Variants in HRNR observed in about 807,000 individuals in gnomAD.
The protein encoded by HRNR is filaggrin family member 3.
Under a neutral mutation model 4.8 loss-of-function variants are expected in HRNR, and 7 were observed. That is an observed-to-expected ratio of 1.47 (90% CI 0.83 to 2.75). HRNR has a LOEUF of 2.75. HRNR is among the 30% of genes most tolerant of loss of function. HRNR has a pLI of 0.00. For synonymous variants in HRNR, 1,023 were observed against 1,242.7 expected, an observed-to-expected ratio of 0.82 and a Z score of 3.72; for missense variants, 2,879 against 3,010.4, an observed-to-expected ratio of 0.96 and a Z score of 1.02.
chr1:152,219,024 G>C lies in HRNR; in HGVS notation c.2605C>G (p.Gln869Glu). The C allele has an allele frequency of 6.2e-7, 1 of 1,614,066 alleles. No individual in the cohort carries two copies. The highest frequency in any genetic ancestry group is 8.5e-7 in the Non-Finnish European group (1 of 1,179,996). ...SSSGQSSSYG[Q>E]HESASHHASG... ...GCGTGATGGGAGGCAGACTCATGCT[G>C]ACCATAGCTGGAAGATTGACCTGAG... is the stretch of plus-strand genomic sequence containing the variant. The change falls in exon 3 of 3, where the codon CAG becomes GAG. Residue 869 changes from glutamine (Q) to glutamate (E), a missense_variant. This residue lies in a region of HRNR where 2,646 missense variants were observed against 1,377.7 expected (regional missense o/e 1.92). Transcript: ENST00000368801.
rs943152140 is a variant in HRNR, at chr1:152,212,964, T to G, written c.*112A>C. The G allele has an allele frequency of 1.8e-5, 26 of 1,410,146 alleles. No homozygotes were observed. Among genetic ancestry groups the G allele is most frequent in the Non-Finnish European group, 2.3e-5 (24 of 1,048,584 alleles). The allele number at this position is 1,410,146 out of a possible 1,614,324, so 87.4% of individuals were successfully genotyped here. ...AAGAAAGAGACAGAAATGCATTGAT[T>G]CACTTTTAGAACGAATTTCATGATG... On this transcript the variant is annotated 3_prime_UTR_variant, in exon 3 of 3. Transcript: ENST00000368801.
In HRNR at chr1:152,213,167, C is replaced by G. The variant is rs781127949; in HGVS notation, c.8462G>C (p.Gly2821Ala). The change falls in exon 3 of 3, where the codon GGG becomes GCG. Residue 2821 changes from glycine (G) to alanine (A), a missense_variant. Physicochemically the swap from Gly to Ala is moderately conservative, Grantham distance 60 (BLOSUM62 0). Around this residue, in one of 8 missense-constraint regions of HRNR, gnomAD observed 158 missense variants for 107.6 expected, o/e 1.47. Coordinates refer to ENST00000368801, the MANE Select transcript of HRNR (RefSeq NM_001009931.3). Reference protein sequence around the residue: ...SYCKGGSNHDGGSSGSYFLSF... With the variant: ...SYCKGGSNHDAGSSGSYFLSF... Reference sequence around the variant, plus strand: ...GAGAAAATATGAGCCAGAACTTCCCCCATCATGGTTACTTCCTCCTTTGCA... The same window carrying G: ...GAGAAAATATGAGCCAGAACTTCCCGCATCATGGTTACTTCCTCCTTTGCA... 3 of 1,614,032 alleles carry G rather than the reference C, an allele frequency of 1.9e-6. No homozygotes were observed. Among genetic ancestry groups the G allele is most frequent in the Non-Finnish European group, 1.7e-6 (2 of 1,180,036 alleles).
rs759038902 is a variant in HRNR, at chr1:152,218,915, C to A, written c.2714G>T (p.Ser905Ile). The change falls in exon 3 of 3, where the codon AGC (serine) becomes ATC (isoleucine). Residue 905 changes from serine (S) to isoleucine (I), a missense_variant. Around this residue, in one of 8 missense-constraint regions of HRNR, gnomAD observed 2,646 missense variants for 1,377.7 expected, o/e 1.92. Coordinates refer to ENST00000368801, the MANE Select transcript of HRNR (RefSeq NM_001009931.3). ...QRGSGSGQSP[S>I]YGRHGSGSGR... ...GGAGCCAGACCCATGTCGGCCATAG[C>A]TGGGAGACTGCCCTGACCCAGACCC... is the stretch of plus-strand genomic sequence containing the variant. 1 of 1,613,756 alleles carries A rather than the reference C, an allele frequency of 6.2e-7. No homozygotes were observed. Among genetic ancestry groups the A allele is most frequent in the Non-Finnish European group, 8.5e-7 (1 of 1,179,950 alleles).
In HRNR at chr1:152,220,603, T is replaced by G. The variant is rs748150973; in HGVS notation, c.1026A>C (p.Ser342=). Residue 342 remains serine (S), a synonymous_variant, in exon 3 of 3, where the codon TCA becomes TCC. Coordinates refer to ENST00000368801, the MANE Select transcript of HRNR (RefSeq NM_001009931.3). The part of the protein sequence containing the change: ...SYSRGHYESG[S]GQTSGFGQHE... ...GTTGCCCAAAGCCAGAAGTCTGGCC[T>G]GAGCCAGACTCATAATGGCCACGGC... The G allele has an allele frequency of 5.0e-6, 8 of 1,611,982 alleles. No individual in the cohort carries two copies. Among genetic ancestry groups the G allele is most frequent in the Non-Finnish European group, 6.8e-6 (8 of 1,178,662 alleles).
Position 152,218,443 on chromosome 1 carries a change from G to T in HRNR, c.3186C>A (p.Gly1062=). Residue 1062 remains glycine (G), a synonymous_variant, in exon 3 of 3, where the codon GGC becomes GGA. Coordinates refer to ENST00000368801, the MANE Select transcript of HRNR (RefSeq NM_001009931.3). Reference sequence around the variant, plus strand: ...CTGAGCTAGATCCATGTTGACCGTAGCCAGAGGACTGTCCTGAGCGAGACT... The same window carrying T: ...CTGAGCTAGATCCATGTTGACCGTATCCAGAGGACTGTCCTGAGCGAGACT... ...HRESRSGQSS[G]YGQHGSSSGH... The T allele has an allele frequency of 5.0e-6, 8 of 1,613,520 alleles. 1 individual carries two copies. The highest frequency in any genetic ancestry group is 6.8e-6 in the Non-Finnish European group (8 of 1,179,966).
Position 152,212,714 on chromosome 1 carries a change from A to T in HRNR, c.*362T>A, listed in dbSNP as rs1648429384. The stretch of plus-strand genomic sequence containing the variant: ...CATTTGTAATATTTTGCTTCTAAGA[A>T]ATGTAAGGTTAGCTTTGGCACCATC... On this transcript the variant is annotated 3_prime_UTR_variant, in exon 3 of 3. Coordinates refer to ENST00000368801, the MANE Select transcript of HRNR (RefSeq NM_001009931.3). 2 of 267,004 alleles carry T rather than the reference A, an allele frequency of 7.5e-6. No homozygotes were observed. The highest frequency in any genetic ancestry group is 4.5e-5 in the African/African-American group (2 of 44,074). 16.5% of individuals were successfully genotyped at this position (267,004 alleles called of 1,614,324 possible). A position where few individuals can be genotyped will look rare whatever the true frequency, so the allele number is the denominator to read the frequency against.
chr1:152,219,958 G>A lies in HRNR; in HGVS notation c.1671C>T (p.Ser557=), dbSNP rs374556256. 3.8e-5 allele frequency: 62 copies of A among 1,613,742 alleles called. No homozygotes were observed. Among genetic ancestry groups the A allele is most frequent in the Non-Finnish European group, 5.3e-5 (62 of 1,179,930 alleles). ...RHESGSRQSS[S]YGPHGYGSGR... The stretch of plus-strand genomic sequence containing the variant: ...CTGAGCCATACCCATGTGGGCCATA[G>A]CTGGAAGACTGCCTGGAACCAGACT... Residue 557 remains serine, a synonymous_variant, in exon 3 of 3, where the codon AGC becomes AGT. Transcript: ENST00000368801.
chr1:152,218,969 G>C lies in HRNR; in HGVS notation c.2660C>G (p.Ser887Cys). ...CTGGCCGTGGCCTGGAGACTGGCCA[G>C]ATCCAGAGCCATGTCGGCCGCGGCC... ...ASGRGRHGSG[S>C]GQSPGHGQRG... The change falls in exon 3 of 3, where the codon TCT becomes TGT. Residue 887 changes from serine to cysteine, a missense_variant. Physicochemically the swap from Ser to Cys is moderately radical, Grantham distance 112. This residue lies in a region of HRNR where 2,646 missense variants were observed against 1,377.7 expected (regional missense o/e 1.92). Coordinates refer to ENST00000368801, the MANE Select transcript of HRNR (RefSeq NM_001009931.3). 1 of 1,608,738 alleles carries C rather than the reference G, an allele frequency of 6.2e-7. No homozygotes were observed. The highest frequency in any genetic ancestry group is 8.5e-7 in the Non-Finnish European group (1 of 1,179,894).
chr1:152,219,197 G>A lies in HRNR; in HGVS notation c.2432C>T (p.Ser811Leu), dbSNP rs527591748. The change falls in exon 3 of 3, where the codon TCA (serine) becomes TTA (leucine). Residue 811 changes from serine (S) to leucine (L), a missense_variant. Ser to Leu is a moderately radical substitution (Grantham distance 145). This residue lies in a region of HRNR where 2,646 missense variants were observed against 1,377.7 expected (regional missense o/e 1.92). Transcript: ENST00000368801. ...TTGCCCAAAACCAGAAGCCTGGCCT[G>A]AGCCAGACTCATAATGGCCACAGCT... The part of the protein sequence containing the change: ...SSSCGHYESG[S>L]GQASGFGQHE... The A allele has an allele frequency of 2.1e-5, 34 of 1,613,900 alleles. No homozygotes were observed. The highest frequency in any genetic ancestry group is 1.7e-4 in the African/African-American group (13 of 75,004).
At position 152,220,158 on chromosome 1, in the gene HRNR, G is replaced by C. The variant is rs771448185; in HGVS notation, c.1471C>G (p.His491Asp). The C allele has an allele frequency of 7.1e-5, 114 of 1,612,620 alleles. No individual in the cohort carries two copies. The highest frequency in any genetic ancestry group is 9.3e-5 in the Non-Finnish European group (110 of 1,179,258). Residue 491 changes from histidine to aspartate, a missense_variant, in exon 3 of 3, where the codon CAC becomes GAC. Physicochemically the swap from His to Asp is moderately conservative, Grantham distance 81. Coordinates refer to ENST00000368801, the MANE Select transcript of HRNR (RefSeq NM_001009931.3). ...CCTGACCTAGAGCCGTGTTGTCCGT[G>C]GCCGGAGGAGTGACCTGAGCCAGAT... is the stretch of plus-strand genomic sequence containing the variant. ...HGSGSGHSSG[H>D]GQHGSRSGQS...
Position 152,220,667 on chromosome 1 carries a change from C to A in HRNR, c.962G>T (p.Ser321Ile), listed in dbSNP as rs1274610798. 1 of 1,611,958 alleles carries A rather than the reference C, an allele frequency of 6.2e-7. No homozygotes were observed. The highest frequency in any genetic ancestry group is 8.5e-7 in the Non-Finnish European group (1 of 1,178,602). The change falls in exon 3 of 3, where the codon AGC becomes ATC. Residue 321 changes from serine (S) to isoleucine (I), a missense_variant. Physicochemically the swap from Ser to Ile is moderately radical, Grantham distance 142. This residue lies in a region of HRNR where 2,646 missense variants were observed against 1,377.7 expected (regional missense o/e 1.92). Coordinates refer to ENST00000368801, the MANE Select transcript of HRNR (RefSeq NM_001009931.3). ...RHGSGSGHSS[S>I]HGQHGSGSSY... ...TGAGCCAGACCCGTGTTGGCCGTGG[C>A]TGGAGGAGTGCCCCGAACCGGACCC...
At position 152,220,540 on chromosome 1, in the gene HRNR, C is replaced by T. The variant is rs752841706; in HGVS notation, c.1089G>A (p.Lys363=). The T allele has an allele frequency of 1.2e-6, 2 of 1,611,640 alleles. No individual in the cohort carries two copies. Among genetic ancestry groups the T allele is most frequent in the Non-Finnish European group, 1.7e-6 (2 of 1,178,388 alleles). Residue 363 remains lysine, a synonymous_variant, in exon 3 of 3, where the codon AAG becomes AAA. Transcript: ENST00000368801. ...AGGAGTGACCTGAGCCAGAACCATG[C>T]TTACTATAGCCAGAGGACTGTCCTG... ...SGSGQSSGYS[K]HGSGSGHSSS...
chr1:152,221,033 G>C lies in HRNR; in HGVS notation c.596C>G (p.Ser199Ter). 2 of 1,613,552 alleles carry C rather than the reference G, an allele frequency of 1.2e-6. No individual in the cohort carries two copies. The highest frequency in any genetic ancestry group is 8.5e-7 in the Non-Finnish European group (1 of 1,179,596). ...SSGRGQCGSG[S>*]GQSPNYGQHG... Reference sequence around the variant, plus strand: ...TTGGCCATAGTTGGGAGACTGCCCTGACCCAGACCCACATTGGCCGCGGCC... The same window carrying C: ...TTGGCCATAGTTGGGAGACTGCCCTCACCCAGACCCACATTGGCCGCGGCC... The change falls in exon 3 of 3, where the codon TCA becomes TGA. Residue 199 changes from serine (S) to a stop codon, truncating the protein, a stop_gained. Transcript: ENST00000368801. LOFTEE classifies it low-confidence loss of function (END_TRUNC).
rs1391040136 is a variant in HRNR at position 152,218,970 on chromosome 1, A to G, written c.2659T>C (p.Ser887Pro). The change falls in exon 3 of 3, where the codon TCT (serine) becomes CCT (proline). Residue 887 changes from serine to proline, a missense_variant. By Grantham distance (74) the Ser-to-Pro change is moderately conservative. Transcript: ENST00000368801. ...TGGCCGTGGCCTGGAGACTGGCCAG[A>G]TCCAGAGCCATGTCGGCCGCGGCCC... Reference protein sequence around the residue: ...ASGRGRHGSGSGQSPGHGQRG... With the variant: ...ASGRGRHGSGPGQSPGHGQRG... 1 of 1,608,622 alleles carries G rather than the reference A, an allele frequency of 6.2e-7. No individual in the cohort carries two copies. The highest frequency in any genetic ancestry group is 8.5e-7 in the Non-Finnish European group (1 of 1,179,868).
Position 152,220,470 on chromosome 1 carries a change from A to T in HRNR, c.1159T>A (p.Ser387Thr). 6.2e-7 allele frequency: 1 copy of T among 1,610,526 alleles called. No individual in the cohort carries two copies. The highest frequency in any genetic ancestry group is 8.5e-7 in the Non-Finnish European group (1 of 1,178,564). The change falls in exon 3 of 3, where the codon TCT becomes ACT. Residue 387 changes from serine (S) to threonine (T), a missense_variant. Physicochemically the swap from Ser to Thr is moderately conservative, Grantham distance 58. Around this residue, in one of 8 missense-constraint regions of HRNR, gnomAD observed 2,646 missense variants for 1,377.7 expected, o/e 1.92. Transcript: ENST00000368801. Reference protein sequence around the residue: ...HGSTSGQASSSGQHGSSSRQS... With the variant: ...HGSTSGQASSTGQHGSSSRQS... ...CGTGAGCTGGAGCCATGTTGGCCAG[A>T]GCTTGATGCCTGCCCTGACGTAGAT... is the stretch of plus-strand genomic sequence containing the variant.
In HRNR at chr1:152,218,902, A is replaced by C. The variant is rs779103224; in HGVS notation, c.2727T>G (p.His909Gln). The change falls in exon 3 of 3, where the codon CAT becomes CAG. Residue 909 changes from histidine to glutamine, a missense_variant. Physicochemically the swap from His to Gln is conservative, Grantham distance 24. Transcript: ENST00000368801. ...TGGAAGACCGACCGGAGCCAGACCCATGTCGGCCATAGCTGGGAGACTGCC... is the reference window on the plus strand; with the variant it reads ...TGGAAGACCGACCGGAGCCAGACCCCTGTCGGCCATAGCTGGGAGACTGCC... ...GSGQSPSYGR[H>Q]GSGSGRSSSS... 1.9e-6 allele frequency: 3 copies of C among 1,612,896 alleles called. No homozygotes were observed. The highest frequency in any genetic ancestry group is 1.3e-5 in the African/African-American group (1 of 74,474).
chr1:152,219,770 G>T lies in HRNR; in HGVS notation c.1859C>A (p.Ser620Ter). The part of the protein sequence containing the change: ...HGQHGSTSGQ[S>*]SSCGQHGATS... ...AGCTCCATGTTGGCCACAGCTCGAT[G>T]ACTGTCCTGATGTAGAACCATGTTG... Residue 620 changes from serine (S) to a stop codon, truncating the protein, a stop_gained, in exon 3 of 3, where the codon TCA becomes TAA. Coordinates refer to ENST00000368801, the MANE Select transcript of HRNR (RefSeq NM_001009931.3). LOFTEE classifies it low-confidence loss of function (END_TRUNC). The T allele has an allele frequency of 6.2e-7, 1 of 1,613,588 alleles. No individual in the cohort carries two copies. The highest frequency in any genetic ancestry group is 8.5e-7 in the Non-Finnish European group (1 of 1,179,652).
Position 152,220,285 on chromosome 1 carries a change from T to G in HRNR, c.1344A>C (p.Arg448=). Residue 448 remains arginine, a synonymous_variant, in exon 3 of 3, where the codon CGA becomes CGC. Coordinates refer to ENST00000368801, the MANE Select transcript of HRNR (RefSeq NM_001009931.3). ...ACACATATGGGCCACTGCTGGAAGA[T>G]CGACCAAAGCCAGTCCCATGTTGGC... ...SSGQHGTGFG[R]SSSSGPYVSG... 1 of 1,612,364 alleles carries G rather than the reference T, an allele frequency of 6.2e-7. No homozygotes were observed. The highest frequency in any genetic ancestry group is 8.5e-7 in the Non-Finnish European group (1 of 1,179,542).
rs377241041 is a variant in HRNR, at chr1:152,218,614, C to T, written c.3015G>A (p.Gln1005=). 6.2e-7 allele frequency: 1 copy of T among 1,612,830 alleles called. No individual in the cohort carries two copies. The highest frequency in any genetic ancestry group is 1.3e-5 in the African/African-American group (1 of 74,470). The change falls in exon 3 of 3, where the codon CAG becomes CAA. Residue 1005 remains glutamine (Q), a synonymous_variant. Coordinates refer to ENST00000368801, the MANE Select transcript of HRNR (RefSeq NM_001009931.3). Reference sequence around the variant, plus strand: ...GTCGGCCACGGCTAGGGCTAGGAGACTGGCCAGATCCAGACCCATGTTGGC... The same window carrying T: ...GTCGGCCACGGCTAGGGCTAGGAGATTGGCCAGATCCAGACCCATGTTGGC... ...GHGQHGSGSG[Q]SPSPSRGRHG...
Sources: allele counts gnomAD v4.1 joint callset, GRCh38; gene constraint gnomAD v4.1.1; regional missense constraint gnomAD v4.1.1; transcripts MANE v1.5; gene names NCBI Gene and HGNC (gene_info 2026-07-23, HGNC 2026-07-21).